Variants in IGSF10 observed in about 807,000 individuals in gnomAD.
IGSF10 encodes the protein calvaria mechanical force protein 608.
IGSF10 carries 126 observed loss-of-function variants against 128.2 expected under a neutral mutation model. The ratio of observed to expected loss-of-function variants is 0.98; its 90% confidence interval spans 0.85 to 1.14. The LOEUF is 1.14. IGSF10 is among the 50% of genes most tolerant of loss of function. IGSF10 has a pLI of 0.00. For missense variants in IGSF10, 3,295 were observed against 3,149.8 expected, an observed-to-expected ratio of 1.05 and a Z score of -1.10; for synonymous variants, 1,185 against 1,146.2, an observed-to-expected ratio of 1.03 and a Z score of -0.68.
chr3:151,592,862 T>C, the IGSF10 span, among the ~76,000 whole-genome samples: 5 of 152,174 alleles, frequency 3.3e-5, no homozygotes, highest in Non-Finnish European at 7.3e-5. Context: ...TATCATGAAA[T>C]AGTCACATCT....
the IGSF10 span, among the ~76,000 whole-genome samples, chr3:151,590,441 C>G: frequency 1.3e-5 from 2 of 152,198 alleles, no homozygotes; most frequent in African/African-American, 4.8e-5. Flanking sequence ...AGGAAGAGCC[C>G]TTGAAATATT....
chr3:151,485,840 C>A, the IGSF10 span, among the ~76,000 whole-genome samples: 2 of 152,178 alleles, frequency 1.3e-5, no homozygotes, highest in Admixed American at 6.5e-5. Flanking sequence ...CCAGCCACTG[C>A]AAAGTCATAC....
the IGSF10 span, among the ~76,000 whole-genome samples, chr3:151,609,190 C>T: frequency 6.6e-6 from 1 of 151,986 alleles, no homozygotes; most frequent in East Asian, 1.9e-4. Context: ...ACAGCAATAG[C>T]AAAGGACCTG....
At chr3:151,598,510 G>A in the IGSF10 span, among the ~76,000 whole-genome samples, 1 of 152,130 alleles carries the variant, frequency 6.6e-6, no homozygotes, top group African/African-American at 2.4e-5. Context: ...AAAATCCATG[G>A]ATACTCAAGG....
the IGSF10 span, among the ~76,000 whole-genome samples, chr3:151,535,277 GA>G: frequency 2.0e-4 from 31 of 151,912 alleles, no homozygotes; most frequent in Middle Eastern, 3.4e-3. Flanking sequence ...CCAAATAAAA[GA>G]AAAAAAATAA....
the IGSF10 span, among the ~76,000 whole-genome samples, chr3:151,485,881 A>G: frequency 2.6e-5 from 4 of 152,214 alleles, no homozygotes; most frequent in Non-Finnish European, 1.5e-5. Context: ...CACTATGAAG[A>G]AACTGCATCA....
At chr3:151,605,553 C>T in the IGSF10 span, among the ~76,000 whole-genome samples, 127 of 152,094 alleles carry the variant, frequency 8.4e-4, no homozygotes, top group African/African-American at 2.9e-3. Context: ...AATTCTAGTG[C>T]GATTAATTTA....
At chr3:151,516,423 TG>T in the IGSF10 span, among the ~76,000 whole-genome samples, 2 of 152,064 alleles carry the variant, frequency 1.3e-5, no homozygotes, top group East Asian at 3.8e-4. Flanking sequence ...TGTGCACTTG[TG>T]GGGTATACTT....
chr3:151,450,750 G>T (rs1028846449), intron 5 of IGSF10, among the ~76,000 whole-genome samples: 17 of 151,842 alleles, frequency 1.1e-4, no homozygotes, highest in Non-Finnish European at 2.2e-4. Flanking sequence ...TACAAAATTA[G>T]CCAGGCATGG....
At chr3:151,514,092 G>T in the IGSF10 span, among the ~76,000 whole-genome samples, 3 of 152,032 alleles carry the variant, frequency 2.0e-5, no homozygotes, top group South Asian at 6.2e-4. Flanking sequence ...AGCTACCAAT[G>T]ACTTTCTTCA....
the IGSF10 span, among the ~76,000 whole-genome samples, chr3:151,515,722 CGTGT>C: frequency 0.011 from 1,574 of 147,088 alleles, 13 homozygotes; most frequent in East Asian, 0.036. Flanking sequence ...AATTATATTA[CGTGT>C]GTGTGTGTGT....
the IGSF10 span, among the ~76,000 whole-genome samples, chr3:151,579,875 A>AAAGGAAGAAAGGAAGGAAAG: frequency 2.0e-4 from 24 of 121,924 alleles, no homozygotes; most frequent in Admixed American, 1.3e-3. Flanking sequence ...GGGAGGAAGG[A>AAAGGAAGAAAGGAAGGAAAG]AAGGAAGGAA....
chr3:151,447,406 A>G lies in IGSF10; in HGVS notation c.2575T>C (p.Phe859Leu). 6.2e-7 allele frequency: 1 copy of G among 1,614,116 alleles called. No individual in the cohort carries two copies. The highest frequency in any genetic ancestry group is 8.5e-7 in the Non-Finnish European group (1 of 1,179,984). Reference protein sequence around the residue: ...QILPPEEPTDFKLSTAIKTTA... With the variant: ...QILPPEEPTDLKLSTAIKTTA... ...GTTTTAATAGCAGTAGACAGTTTGA[A>G]ATCTGTGGGTTCTTCAGGTGGTAGT... Residue 859 changes from phenylalanine to leucine, a missense_variant, in exon 6 of 8, where the codon TTC becomes CTC. Physicochemically the swap from Phe to Leu is conservative, Grantham distance 22 (BLOSUM62 0). Coordinates refer to ENST00000282466, the MANE Select transcript of IGSF10 (RefSeq NM_178822.5).
the IGSF10 span, among the ~76,000 whole-genome samples, chr3:151,619,296 C>T: frequency 2.0e-5 from 3 of 151,940 alleles, no homozygotes; most frequent in Non-Finnish European, 4.4e-5. Flanking sequence ...TCTCAAGCAT[C>T]GTATTACTTC....
the IGSF10 span, among the ~76,000 whole-genome samples, chr3:151,490,492 G>GA: frequency 6.9e-5 from 9 of 130,244 alleles, no homozygotes; most frequent in African/African-American, 2.6e-4. Context: ...TGAGAATACT[G>GA]AATTTGAACT....
chr3:151,461,486 G>A (rs1163971522), upstream of IGSF10: 4 of 915,878 alleles, frequency 4.4e-6, no homozygotes, highest in African/African-American at 5.4e-5. Flanking sequence ...ATTATATTGC[G>A]TATATTTAAG....
chr3:151,531,971 T>G, the IGSF10 span, among the ~76,000 whole-genome samples: 1 of 150,930 alleles, frequency 6.6e-6, no homozygotes, highest in Non-Finnish European at 1.5e-5. Context: ...ATCAAATAAA[T>G]GCAATAAAAA....
chr3:151,437,385 G>C lies in IGSF10; in HGVS notation c.7176C>G (p.Ser2392Arg), dbSNP rs1322035110. Residue 2392 changes from serine to arginine, a missense_variant, in exon 8 of 8, where the codon AGC becomes AGG. Physicochemically the swap from Ser to Arg is moderately radical, Grantham distance 110. Transcript: ENST00000282466. ...TTTTAGAAATGATAAAAGAACCATT[G>C]CTTGCTATCAGATACTGATAACTTT... The part of the protein sequence containing the change: ...GPQSYQYLIA[S>R]NGSFIISKTT... 6.2e-7 allele frequency: 1 copy of C among 1,614,086 alleles called. No individual in the cohort carries two copies. Among genetic ancestry groups the C allele is most frequent in the Admixed American group, 1.7e-5 (1 of 60,016 alleles).
the IGSF10 span, among the ~76,000 whole-genome samples, chr3:151,513,917 A>T: frequency 2.0e-5 from 3 of 152,226 alleles, no homozygotes; most frequent in Admixed American, 6.5e-5. Context: ...CTTACAAGGA[A>T]TGTGAAGGAC....
Sources: gnomAD v4.1 joint callset for allele counts (sites outside exome capture counted in the v4.1 genomes callset) on GRCh38, gnomAD v4.1.1 for gene constraint, MANE v1.5 for transcripts, NCBI Gene and HGNC (gene_info 2026-07-23, HGNC 2026-07-21) for gene names.